PVR: variants seen among roughly 807,000 people sequenced by gnomAD.
PVR encodes PVR cell adhesion molecule, also known as poliovirus receptor.
PVR carries 39 observed loss-of-function variants against 43.3 expected under a neutral mutation model. That is an observed-to-expected ratio of 0.90 (90% CI 0.70 to 1.18). The LOEUF is 1.18. Among genes scored for constraint, PVR ranks in the 50% most tolerant of loss-of-function variants. The probability of loss-of-function intolerance (pLI) is 0.00; values close to 1 mark genes in which losing one functional copy is unlikely to be tolerated. For synonymous variants in PVR, 224 were observed against 233.2 expected (o/e 0.96, Z 0.36); for missense variants, 480 against 549.7 (o/e 0.87, Z 1.27).
chr19:44,647,076 T>TCC, intron 1 of PVR, 147 bp from the exon 2 acceptor site: 1 of 107,484 alleles, frequency 9.3e-6, no homozygotes, highest in Non-Finnish European at 1.8e-5. Flanking sequence ...AGTGCCCCAG[T>TCC]TCCCCCTCCC....
chr19:44,654,512 G>C (rs989983661), intron 4 of PVR, among the ~76,000 whole-genome samples: 29 of 152,128 alleles, frequency 1.9e-4, no homozygotes, highest in Non-Finnish European at 4.1e-4. Flanking sequence ...TGCTTTTTGG[G>C]GTGTGCCTGC....
chr19:44,649,307 A>C (rs1973213388), intron 2 of PVR, among the ~76,000 whole-genome samples: 2 of 151,906 alleles, frequency 1.3e-5, no homozygotes, highest in African/African-American at 4.8e-5. Flanking sequence ...GCATATTCTC[A>C]TTGCCTGTGA....
At chr19:44,661,583 A>G (rs941350957) in intron 7 of PVR, among the ~76,000 whole-genome samples, 157 bp from the exon 8 acceptor site, 1 of 152,164 alleles carries the variant, frequency 6.6e-6, no homozygotes, top group African/African-American at 2.4e-5. Context: ...CGCCCCTTCA[A>G]TTCCACCCAT....
At position 44,647,211 on chromosome 19, in the gene PVR, G is replaced by C. The variant is rs908723609; in HGVS notation, c.80-12G>C. 1.3e-6 allele frequency: 2 copies of C among 1,519,346 alleles called. No homozygotes were observed. The allele number at this position is 1,519,346 out of a possible 1,614,324, so 94.1% of individuals were successfully genotyped here. Reference sequence around the variant, plus strand: ...GCCCCGGGTCTGACACCTTCTCTTCGGTTCTCCGCAGGGGACGTCGTCGTG... The same window carrying C: ...GCCCCGGGTCTGACACCTTCTCTTCCGTTCTCCGCAGGGGACGTCGTCGTG... On this transcript the variant is annotated splice_polypyrimidine_tract_variant and intron_variant, in intron 1 of 7. Coordinates refer to ENST00000425690, the MANE Select transcript of PVR (RefSeq NM_006505.5).
In PVR at chr19:44,649,913, A is replaced by T. The variant is rs760455737; in HGVS notation, c.532A>T (p.Thr178Ser). ...AGGGGGTCGCCCGCCAGCCCAAATC[A>T]CCTGGCACTCAGACCTGGGCGGGAT... ...STGGRPPAQITWHSDLGGMPN... is the reference protein window; with the variant it reads ...STGGRPPAQISWHSDLGGMPN... The change falls in exon 3 of 8, where the codon ACC (threonine) becomes TCC (serine). Residue 178 changes from threonine (T) to serine (S), a missense_variant. Physicochemically the swap from Thr to Ser is moderately conservative, Grantham distance 58 (BLOSUM62 1). Transcript: ENST00000425690. The T allele has an allele frequency of 1.2e-5, 19 of 1,613,474 alleles. No individual in the cohort carries two copies. The highest frequency in any genetic ancestry group is 1.6e-5 in the Non-Finnish European group (19 of 1,179,738).
intron 7 of PVR, 78 bp downstream of exon 7, chr19:44,661,401 C>A: frequency 1.3e-6 from 2 of 1,482,254 alleles, no homozygotes; most frequent in Non-Finnish European, 1.9e-6. Context: ...TGCCCACGGC[C>A]CGGCCTCAGG....
At chr19:44,661,626 C>A in intron 7 of PVR, 114 bp from the exon 8 acceptor site, 1 of 964,722 alleles carries the variant, frequency 1.0e-6, no homozygotes, top group Non-Finnish European at 1.6e-6. Context: ...CCCTGGCTTC[C>A]AGGGAGAGAG....
At chr19:44,659,128 G>A (rs991365742) in intron 6 of PVR, 3 of 454,046 alleles carry the variant, frequency 6.6e-6, no homozygotes, top group Admixed American at 4.0e-5. Context: ...CCATGGTAGG[G>A]ACTTTGGAAT....
intron 4 of PVR, among the ~76,000 whole-genome samples, chr19:44,654,292 AG>A (rs1339758460): frequency 2.0e-5 from 3 of 149,110 alleles, no homozygotes; most frequent in Non-Finnish European, 4.4e-5. Context: ...CCTGGGTCTG[AG>A]GGAGGAGAAG....
chr19:44,653,867 CAGTCTCTG>C, intron 3 of PVR, 25 bp from the exon 4 acceptor site: 1 of 1,487,102 alleles, frequency 6.7e-7, no homozygotes, highest in Non-Finnish European at 9.4e-7. Flanking sequence ...CAAAGCCTCC[CAGTCTCTG>C]AACCTCTGTA....
Position 44,644,819 on chromosome 19 carries a change from G to A in PVR, c.79+644G>A, listed in dbSNP as rs575768284. Among the ~76,000 whole-genome samples the A allele has an allele frequency of 4.4e-4, 66 of 148,598 alleles. No homozygotes were observed. In the East Asian group the frequency reaches 0.013, roughly 29 times the overall value. ...CAGCCTCCTCCTCCCGAGTTCAAGC[G>A]ATTCTCCTGCTTCAGCCTCCCGAGT... On this transcript the variant is annotated intron_variant, in intron 1 of 7. Transcript: ENST00000425690.
Position 44,663,947 on chromosome 19 carries a change from C to T in PVR, c.*2136C>T, listed in dbSNP as rs749780074. Among the ~76,000 whole-genome samples, 14 of 152,002 alleles carry T rather than the reference C, an allele frequency of 9.2e-5. No homozygotes were observed. The highest frequency in any genetic ancestry group is 3.9e-4 in the Admixed American group (6 of 15,238). On this transcript the variant is annotated 3_prime_UTR_variant, in exon 8 of 8. Transcript: ENST00000425690. ...TTTTTTTAATTAGATAGTACATAAACGTCCCAAAATTAGAAGATAAAAAGA... is the reference window on the plus strand; with the variant it reads ...TTTTTTTAATTAGATAGTACATAAATGTCCCAAAATTAGAAGATAAAAAGA...
intron 3 of PVR, among the ~76,000 whole-genome samples, chr19:44,652,623 C>T (rs1271484567): frequency 6.6e-6 from 1 of 151,974 alleles, no homozygotes; most frequent in Non-Finnish European, 1.5e-5. Flanking sequence ...ACCTCGTGAT[C>T]CACCCACCTT....
intron 5 of PVR, 21 bp downstream of exon 5, chr19:44,657,931 G>A: frequency 6.2e-7 from 1 of 1,611,020 alleles, no homozygotes; most frequent in South Asian, 1.1e-5. Context: ...CCCTGGGTGG[G>A]AAGAACAGGG....
At chr19:44,652,620 G>C (rs1973313900) in intron 3 of PVR, among the ~76,000 whole-genome samples, 1 of 152,026 alleles carries the variant, frequency 6.6e-6, no homozygotes, top group Admixed American at 6.6e-5. Context: ...CTGACCTCGT[G>C]ATCCACCCAC....
intron 2 of PVR, among the ~76,000 whole-genome samples, 164 bp downstream of exon 2, chr19:44,647,734 G>C (rs1973170235): frequency 1.3e-5 from 2 of 149,234 alleles, no homozygotes; most frequent in South Asian, 2.2e-4. Flanking sequence ...GGGGTGGGGT[G>C]GGGGGAGGTG....
intron 1 of PVR, 40 bp downstream of exon 1, chr19:44,644,215 T>C: frequency 7.0e-7 from 1 of 1,429,974 alleles, no homozygotes; most frequent in Non-Finnish European, 9.1e-7. Context: ...CCTGTCTGGC[T>C]CCCAGCTCCG....
intron 6 of PVR, among the ~76,000 whole-genome samples, chr19:44,660,418 T>C (rs956830955): frequency 6.6e-6 from 1 of 152,214 alleles, no homozygotes; most frequent in Non-Finnish European, 1.5e-5. Flanking sequence ...TGGCACATGG[T>C]AAGCCACATA....
rs747664542 is a variant in PVR at position 44,647,502 on chromosome 19, A to G, written c.359A>G (p.Asn120Ser). 1 of 1,614,084 alleles carries G rather than the reference A, an allele frequency of 6.2e-7. No individual in the cohort carries two copies. The highest frequency in any genetic ancestry group is 8.5e-7 in the Non-Finnish European group (1 of 1,180,000). ...GGGTTGCGCGTAGAGGATGAAGGCA[A>G]CTACACCTGCCTGTTCGTCACGTTC... ...MFGLRVEDEG[N>S]YTCLFVTFPQ... Residue 120 changes from asparagine (N) to serine (S), a missense_variant, in exon 2 of 8, where the codon AAC becomes AGC. Asn to Ser is a conservative substitution (Grantham distance 46). Coordinates refer to ENST00000425690, the MANE Select transcript of PVR (RefSeq NM_006505.5).
Sources: allele counts gnomAD v4.1 joint callset (sites outside exome capture counted in the v4.1 genomes callset), GRCh38; gene constraint gnomAD v4.1.1; transcripts MANE v1.5; gene names NCBI Gene and HGNC (gene_info 2026-07-23, HGNC 2026-07-21).